The following SEMA6A variants were observed in gnomAD, a reference collection of about 807,000 sequenced individuals.
SEMA6A encodes the protein semaphorin-6A.
SEMA6A carries 25 observed loss-of-function variants against 96.8 expected under a neutral mutation model. The ratio of observed to expected loss-of-function variants is 0.26; its 90% CI spans 0.19 to 0.36. SEMA6A has a LOEUF of 0.36. Among genes scored for constraint, SEMA6A ranks in the 10% least tolerant of loss-of-function variants. The pLI is 1.00. For missense variants in SEMA6A, 1,363 were observed against 1,323.1 expected (o/e 1.03, Z -0.47); for synonymous variants, 612 against 518.0 (o/e 1.18, Z -2.46).
chr5:116,520,966 T>G (rs1163124272), intron 1 of SEMA6A, among the ~76,000 whole-genome samples: 1 of 152,180 alleles, frequency 6.6e-6, no homozygotes, highest in African/African-American at 2.4e-5. Context: ...TCTGTTGTAA[T>G]AATGTCCCTG....
At chr5:116,568,519 A>G (rs1761094337) in intron 1 of SEMA6A, among the ~76,000 whole-genome samples, 1 of 152,222 alleles carries the variant, frequency 6.6e-6, no homozygotes, top group Non-Finnish European at 1.5e-5. Flanking sequence ...CCAAAAAAAC[A>G]TGAACGTTCT....
chr5:116,549,821 A>G (rs1248141506), intron 1 of SEMA6A, among the ~76,000 whole-genome samples: 1 of 152,186 alleles, frequency 6.6e-6, no homozygotes, highest in Non-Finnish European at 1.5e-5. Flanking sequence ...GTAGTATACA[A>G]ACAATAGTCA....
At position 116,446,945 on chromosome 5, in the gene SEMA6A, G is replaced by C; in HGVS notation, c.2761C>G (p.Pro921Ala). ...SYGVDYKRSY[P>A]TNSLTRSHQA... ...TGGCTTCTCGTGAGCGAGTTCGTGG[G>C]GTAGCTCCTCTTATAGTCAACCCCG... Residue 921 changes from proline to alanine, a missense_variant, in exon 19 of 19, where the codon CCC becomes GCC. Transcript: ENST00000343348. 3 of 1,613,942 alleles carry C rather than the reference G, an allele frequency of 1.9e-6. No individual in the cohort carries two copies. The highest frequency in any genetic ancestry group is 1.7e-5 in the Admixed American group (1 of 60,032).
intron 18 of SEMA6A, among the ~76,000 whole-genome samples, chr5:116,448,196 A>AAAAAAAAAAAAAAAAAAAAAAAAAT (rs780426357): frequency 7.2e-6 from 1 of 138,636 alleles, no homozygotes; most frequent in African/African-American, 2.8e-5. Context: ...AAAAAAAAAA[A>AAAAAAAAAAAAAAAAAAAAAAAAAT]TTAGCCAGGC....
intron 1 of SEMA6A, among the ~76,000 whole-genome samples, chr5:116,524,781 CACACACAG>C (rs1220981484): frequency 6.7e-6 from 1 of 149,384 alleles, no homozygotes; most frequent in Admixed American, 6.6e-5. Flanking sequence ...TACACACACA[CACACACAG>C]ACACACACAC....
At chr5:116,505,646 T>G (rs1341547092) in intron 1 of SEMA6A, among the ~76,000 whole-genome samples, 1 of 152,210 alleles carries the variant, frequency 6.6e-6, no homozygotes. Context: ...CTCTGAAGAT[T>G]ACTACAAGGA....
At chr5:116,554,851 T>G (rs1328136157) in intron 1 of SEMA6A, 2 of 152,118 alleles carry the variant, frequency 1.3e-5, no homozygotes, top group Admixed American at 1.3e-4. Flanking sequence ...GGCTTGGGCG[T>G]TGAGATGGTC....
At chr5:116,482,362 A>C in intron 11 of SEMA6A, 82 bp downstream of exon 11, 1 of 1,444,136 alleles carries the variant, frequency 6.9e-7, no homozygotes, top group East Asian at 2.4e-5. Flanking sequence ...ACTGGTGCGC[A>C]GTTCATAGGA....
chr5:116,538,131 C>T (rs188206634), intron 1 of SEMA6A, among the ~76,000 whole-genome samples: 2,409 of 152,228 alleles, frequency 0.016, 23 homozygotes, highest in Non-Finnish European at 0.025. Flanking sequence ...GCTGAGATCA[C>T]GCCACTGCAC....
intron 11 of SEMA6A, 90 bp downstream of exon 11, chr5:116,482,354 T>C: frequency 2.9e-6 from 4 of 1,388,368 alleles, no homozygotes; most frequent in Non-Finnish European, 3.9e-6. Flanking sequence ...TGGAAGGCAC[T>C]GGTGCGCAGT....
intron 17 of SEMA6A, 192 bp downstream of exon 17, chr5:116,472,881 T>C (rs937307177): frequency 6.7e-7 from 1 of 1,486,662 alleles, no homozygotes; most frequent in South Asian, 1.3e-5. Flanking sequence ...ATCCGTAAAC[T>C]GACCATACAC....
Position 116,446,834 on chromosome 5 carries a change from T to C in SEMA6A, c.2872A>G (p.Asn958Asp). 1.9e-6 allele frequency: 3 copies of C among 1,613,956 alleles called. No individual in the cohort carries two copies. Among genetic ancestry groups the C allele is most frequent in the Non-Finnish European group, 2.5e-6 (3 of 1,179,890 alleles). The change falls in exon 19 of 19, where the codon AAC becomes GAC. Residue 958 changes from asparagine (N) to aspartate (D), a missense_variant. Transcript: ENST00000343348. ...SRNQSFGRGDNPPPAPQRVDS... is the reference protein window; with the variant it reads ...SRNQSFGRGDDPPPAPQRVDS... ...ACCCTCTGCGGGGCGGGCGGCGGGT[T>C]GTCTCCCCTGCCAAAGCTCTGGTTT...
chr5:116,483,958 G>A lies in SEMA6A; in HGVS notation c.963-1383C>T, dbSNP rs190246764. On this transcript the variant is annotated intron_variant, in intron 10 of 18. Transcript: ENST00000343348. ...GGGCACCTGTAATCCCAGCTACTCC[G>A]GAGGCTGAAGCAGGAGAATTGCTTG... Among the ~76,000 whole-genome samples, 579 of 151,900 alleles carry A rather than the reference G, an allele frequency of 3.8e-3. 12 individuals carry two copies. Among genetic ancestry groups the A allele is most frequent in the Middle Eastern group, 0.01 (3 of 292 alleles).
rs1331769131 is a variant in SEMA6A at position 116,477,946 on chromosome 5, A to G, written c.1569-20T>C. The G allele has an allele frequency of 1.2e-6, 2 of 1,613,946 alleles. No homozygotes were observed. Among genetic ancestry groups the G allele is most frequent in the East Asian group, 2.2e-5 (1 of 44,884 alleles). ...CAGGTTCTGCAGGAAGAGGATGACCATGAGCTACCTAGGACTGTTTCCTAG... is the reference window on the plus strand; with the variant it reads ...CAGGTTCTGCAGGAAGAGGATGACCGTGAGCTACCTAGGACTGTTTCCTAG... On this transcript the variant is annotated intron_variant, in intron 14 of 18. Transcript: ENST00000343348.
intron 9 of SEMA6A, among the ~76,000 whole-genome samples, chr5:116,487,689 C>A (rs188332274): frequency 6.6e-6 from 1 of 152,180 alleles, no homozygotes; most frequent in African/African-American, 2.4e-5. Flanking sequence ...CATGGCGAAA[C>A]CCTGTCTCTA....
At chr5:116,493,068 T>C (rs1412041244) in intron 6 of SEMA6A, among the ~76,000 whole-genome samples, 1 of 152,210 alleles carries the variant, frequency 6.6e-6, no homozygotes, top group African/African-American at 2.4e-5. Flanking sequence ...CTGTGGCTTC[T>C]GAGAGGCCTG....
In SEMA6A at chr5:116,477,461, A is replaced by G. The variant is rs41143; in HGVS notation, c.1649+385T>C. ...TCTTCTCAGCCCTGCACAGTCAATT[A>G]CAAAAGCCGGTTTTGCTATGGCTGG... On this transcript the variant is annotated intron_variant, in intron 15 of 18. Coordinates refer to ENST00000343348, the MANE Select transcript of SEMA6A (RefSeq NM_020796.5). Among the ~76,000 whole-genome samples the G allele has an allele frequency of 2.8e-4, 43 of 152,342 alleles. 1 individual carries two copies. In the East Asian group the frequency reaches 6.4e-3, roughly 23 times the overall value.
At chr5:116,480,347 C>G (rs752346367) in intron 11 of SEMA6A, 70 bp from the exon 12 acceptor site, 6 of 1,572,570 alleles carry the variant, frequency 3.8e-6, no homozygotes, top group Non-Finnish European at 5.2e-6. Context: ...TTTGAATGAA[C>G]TGCTTCTCTA....
intron 1 of SEMA6A, among the ~76,000 whole-genome samples, chr5:116,528,907 A>C (rs888473923): frequency 6.6e-6 from 1 of 152,180 alleles, no homozygotes; most frequent in Admixed American, 6.5e-5. Flanking sequence ...ATAATGCCTG[A>C]CCCTGTGTCA....
Sources: allele counts gnomAD v4.1 joint callset (sites outside exome capture counted in the v4.1 genomes callset), GRCh38; gene constraint gnomAD v4.1.1; transcripts MANE v1.5; gene names NCBI Gene and HGNC (gene_info 2026-07-23, HGNC 2026-07-21).